ANOS1: variants seen among roughly 807,000 people sequenced by gnomAD.
ANOS1 encodes the protein anosmin-1.
ANOS1 carries 6 observed loss-of-function variants against 59.0 expected under a neutral mutation model. The observed-to-expected ratio is 0.10, with a 90% CI of 0.06 to 0.20. The LOEUF (loss-of-function observed/expected upper bound fraction) is 0.20. Ranked by LOEUF, ANOS1 falls within the 10% of genes least tolerant of loss-of-function variation. ANOS1 has a pLI of 1.00. For synonymous variants in ANOS1, 217 were observed against 223.4 expected, an observed-to-expected ratio of 0.97 and a Z score of 0.25; for missense variants, 433 against 542.3, an observed-to-expected ratio of 0.80 and a Z score of 2.00.
At chrX:8,671,886 G>A (rs1223119994) in intron 2 of ANOS1, among the ~76,000 whole-genome samples, 6 of 110,438 alleles carry the variant, frequency 5.4e-5, no homozygotes, top group Non-Finnish European at 1.1e-4. Context: ...GGTAGTTAAC[G>A]TATGCATTAC....
Position 8,690,199 on chromosome X carries a change from T to C in ANOS1, c.255+9499A>G, listed in dbSNP as rs140697719. 3.6e-5 allele frequency among the ~76,000 whole-genome samples: 4 copies of C among 112,280 alleles called. No individual in the cohort carries two copies. The East Asian group carries it at 1.1e-3, about 32-fold the overall frequency. On this transcript the variant is annotated intron_variant, in intron 2 of 13. Transcript: ENST00000262648. ...ATCCAAAATGAAGGGGAATTAATTA[T>C]ACCCGACTTGAGACATTTTCTGCAC...
At chrX:8,696,472 A>G (rs1221286100) in intron 2 of ANOS1, among the ~76,000 whole-genome samples, 6 of 112,140 alleles carry the variant, frequency 5.4e-5, no homozygotes, top group Non-Finnish European at 7.5e-5. Context: ...GCAAAGAGCA[A>G]TCTCTCTCAC....
intron 9 of ANOS1, among the ~76,000 whole-genome samples, chrX:8,540,199 T>C (rs1929660512): frequency 1.8e-5 from 2 of 109,935 alleles, no homozygotes; most frequent in Admixed American, 1.9e-4. Context: ...CAATCCTACC[T>C]TTTTTTTTGA....
rs1443680998 is a variant in ANOS1, at chrX:8,536,754, T to G, written c.1621+17A>C. 1 of 1,188,040 alleles carries G rather than the reference T, an allele frequency of 8.4e-7. No individual in the cohort carries two copies. Among genetic ancestry groups the G allele is most frequent in the Non-Finnish European group, 1.1e-6 (1 of 876,729 alleles). On this transcript the variant is annotated intron_variant, in intron 11 of 13. Transcript: ENST00000262648. Reference sequence around the variant, plus strand: ...ACCGTAGACCTAGATGTAGAAGTCCTTCAGGTGAAAACGTACCTGCTTCGC... The same window carrying G: ...ACCGTAGACCTAGATGTAGAAGTCCGTCAGGTGAAAACGTACCTGCTTCGC...
intron 2 of ANOS1, among the ~76,000 whole-genome samples, chrX:8,624,263 G>A (rs973574715): frequency 9.0e-5 from 10 of 110,668 alleles, no homozygotes; most frequent in Non-Finnish European, 1.3e-4. Flanking sequence ...TGATCCACCC[G>A]TCTCAGCCTC....
chrX:8,552,925 T>C (rs1392161978), intron 9 of ANOS1, among the ~76,000 whole-genome samples: 1 of 109,334 alleles, frequency 9.1e-6, no homozygotes, highest in East Asian at 2.8e-4. Flanking sequence ...ATATTAATAA[T>C]AATATTATTT....
Position 8,631,792 on chromosome X carries a change from C to T in ANOS1, c.256-8122G>A, listed in dbSNP as rs138152964. ...GCAACGTATCACTCCTATCATTGAA[C>T]CCAACCCTATACAGCTTCCAGATTT... On this transcript the variant is annotated intron_variant, in intron 2 of 13. Coordinates refer to ENST00000262648, the MANE Select transcript of ANOS1 (RefSeq NM_000216.4). Among the ~76,000 whole-genome samples, 9 of 111,929 alleles carry T rather than the reference C, an allele frequency of 8.0e-5. No individual in the cohort carries two copies. The East Asian group carries it at 2.5e-3, about 32-fold the overall frequency.
intron 4 of ANOS1, among the ~76,000 whole-genome samples, chrX:8,594,965 G>A (rs1249372491): frequency 1.9e-5 from 2 of 106,690 alleles, no homozygotes; most frequent in Non-Finnish European, 3.8e-5. Context: ...ACCTGGTTTC[G>A]TTAAACGTAG....
chrX:8,662,260 G>A (rs1046293404), intron 2 of ANOS1, among the ~76,000 whole-genome samples: 2 of 111,705 alleles, frequency 1.8e-5, no homozygotes, highest in Non-Finnish European at 3.8e-5. Flanking sequence ...TTACAGTCAC[G>A]CAGGGCCCCA....
intron 9 of ANOS1, among the ~76,000 whole-genome samples, chrX:8,542,607 A>C (rs1391714896): frequency 9.2e-6 from 1 of 108,502 alleles, no homozygotes; most frequent in Non-Finnish European, 1.9e-5. Flanking sequence ...AAATCAAGGC[A>C]GGCCTGTACT....
At chrX:8,644,556 G>A (rs761338970) in intron 2 of ANOS1, among the ~76,000 whole-genome samples, 1 of 111,255 alleles carries the variant, frequency 9.0e-6, no homozygotes, top group Non-Finnish European at 1.9e-5. Flanking sequence ...GCCATCTCTT[G>A]TGGGGAAAAT....
chrX:8,554,542 GTTTTTTTTTTTTTT>G (rs757605733), intron 8 of ANOS1, among the ~76,000 whole-genome samples: 1 of 50,826 alleles, frequency 2.0e-5, no homozygotes, highest in Non-Finnish European at 3.3e-5. Context: ...GGCTACAGGA[GTTTTTTTTTTTTTT>G]TTTTTTTTTT....
chrX:8,543,946 T>C (rs1363159778), intron 9 of ANOS1, among the ~76,000 whole-genome samples: 3 of 110,598 alleles, frequency 2.7e-5, no homozygotes, highest in African/African-American at 6.6e-5. Flanking sequence ...AAATACCCAG[T>C]TGATCTGGTT....
chrX:8,617,023 G>C (rs1217444279), intron 3 of ANOS1, among the ~76,000 whole-genome samples: 1 of 112,454 alleles, frequency 8.9e-6, no homozygotes, highest in African/African-American at 3.2e-5. Flanking sequence ...AAAAAGAATA[G>C]CAACAAAGTT....
rs759016086 is a variant in ANOS1, at chrX:8,588,089, T to A, written c.542-111A>T. Reference sequence around the variant, plus strand: ...GAATCTGATCTGATGACAACTGAGATTTCCTTTCATAAAAGTGGCCTCTCC... The same window carrying A: ...GAATCTGATCTGATGACAACTGAGAATTCCTTTCATAAAAGTGGCCTCTCC... On this transcript the variant is annotated intron_variant, in intron 4 of 13. Coordinates refer to ENST00000262648, the MANE Select transcript of ANOS1 (RefSeq NM_000216.4). 235 of 738,883 alleles carry A rather than the reference T, an allele frequency of 3.2e-4. No individual in the cohort carries two copies. In the African/African-American group the frequency reaches 4.4e-3, roughly 14 times the overall value. 60.9% of individuals were successfully genotyped at this position (738,883 alleles called of 1,213,427 possible).
chrX:8,631,739 C>T (rs1389803551), intron 2 of ANOS1, among the ~76,000 whole-genome samples: 3 of 111,259 alleles, frequency 2.7e-5, no homozygotes. Context: ...GTAGGGGTTA[C>T]AATATGAAAA....
intron 2 of ANOS1, among the ~76,000 whole-genome samples, chrX:8,689,656 C>T (rs1474038249): frequency 1.8e-5 from 2 of 109,597 alleles, no homozygotes; most frequent in East Asian, 5.7e-4. Flanking sequence ...TCCAGTGAGC[C>T]GAGATGGTGC....
At position 8,532,748 on chromosome X, in the gene ANOS1, T is replaced by C. The variant is rs1353713759; in HGVS notation, c.*247A>G. On this transcript the variant is annotated 3_prime_UTR_variant, in exon 14 of 14. Coordinates refer to ENST00000262648, the MANE Select transcript of ANOS1 (RefSeq NM_000216.4). ...CCATACATGAAAACAAAATTTAGCA[T>C]TAAACAGGCCTATTCTTCATTTTCT... 3 of 321,742 alleles carry C rather than the reference T, an allele frequency of 9.3e-6. No individual in the cohort carries two copies. The highest frequency in any genetic ancestry group is 5.0e-5 in the Admixed American group (1 of 19,816). 26.5% of individuals were successfully genotyped at this position (321,742 alleles called of 1,213,427 possible).
chrX:8,543,610 TCC>T (rs1356739494), intron 9 of ANOS1, among the ~76,000 whole-genome samples: 1 of 110,343 alleles, frequency 9.1e-6, no homozygotes, highest in Non-Finnish European at 1.9e-5. Flanking sequence ...ATGCCTGTAA[TCC>T]CAGCACTTTG....
Sources: gnomAD v4.1 joint callset for allele counts (sites outside exome capture counted in the v4.1 genomes callset) on GRCh38, gnomAD v4.1.1 for gene constraint, MANE v1.5 for transcripts, NCBI Gene and HGNC (gene_info 2026-07-23, HGNC 2026-07-21) for gene names.